Variants in MORF4L1 observed in about 807,000 individuals in gnomAD.
The protein encoded by MORF4L1 is mortality factor 4 like 1.
In MORF4L1, 4 loss-of-function variants were observed where a neutral mutation model predicts 52.9. That is an observed-to-expected ratio of 0.08 (90% confidence interval 0.04 to 0.17). The LOEUF is 0.17. Among genes scored for constraint, MORF4L1 ranks in the 10% least tolerant of loss-of-function variants. The probability of loss-of-function intolerance (pLI) is 1.00; values close to 1 mark genes in which losing one functional copy is unlikely to be tolerated. For synonymous variants in MORF4L1, 123 were observed against 134.8 expected (o/e 0.91, Z 0.61); for missense variants, 214 against 390.4 (o/e 0.55, Z 3.81).
intron 3 of MORF4L1, among the ~76,000 whole-genome samples, chr15:78,881,984 C>A (rs76675237): frequency 1.5e-4 from 23 of 152,006 alleles, no homozygotes; most frequent in African/African-American, 5.3e-4. Flanking sequence ...AGGTGACCAA[C>A]CCAGTTAATT....
intron 6 of MORF4L1, 116 bp downstream of exon 6, chr15:78,891,130 G>A: frequency 8.2e-7 from 1 of 1,220,518 alleles, no homozygotes; most frequent in South Asian, 1.3e-5. Flanking sequence ...ATCTCAAATA[G>A]GAGTCTCACA....
chr15:78,888,619 T>TA (rs201597566), intron 5 of MORF4L1, among the ~76,000 whole-genome samples: 1,622 of 152,248 alleles, frequency 0.011, 13 homozygotes, highest in Non-Finnish European at 0.017. Flanking sequence ...AGTAAGGTGT[T>TA]ACACCCAGTG....
intron 1 of MORF4L1, among the ~76,000 whole-genome samples, chr15:78,874,213 G>T (rs531547682): frequency 3.9e-5 from 6 of 152,324 alleles, no homozygotes; most frequent in Admixed American, 3.9e-4. Flanking sequence ...ATTTATGCTA[G>T]TTACCGTAAA....
chr15:78,892,083 ATG>A, intron 7 of MORF4L1, 127 bp from the exon 8 acceptor site: 1 of 553,516 alleles, frequency 1.8e-6, no homozygotes. Flanking sequence ...ATTTTAAAAA[ATG>A]ACAGTACAGC....
intron 1 of MORF4L1, among the ~76,000 whole-genome samples, chr15:78,874,816 G>A (rs1217782986): frequency 6.6e-6 from 1 of 151,420 alleles, no homozygotes; most frequent in Admixed American, 6.6e-5. Flanking sequence ...ACATTTTAGA[G>A]CAGATATTCT....
At chr15:78,891,826 T>C (rs1326907685) in intron 7 of MORF4L1, 1 of 450,856 alleles carries the variant, frequency 2.2e-6, no homozygotes, top group Non-Finnish European at 3.9e-6. Flanking sequence ...TCTTTGGTGT[T>C]ACGTATTTAT....
At chr15:78,895,168 C>A (rs2056866255) in intron 11 of MORF4L1, among the ~76,000 whole-genome samples, 2 of 152,098 alleles carry the variant, frequency 1.3e-5, no homozygotes, top group Non-Finnish European at 2.9e-5. Context: ...GAAAACAAAG[C>A]CACACTTGTC....
Position 78,897,184 on chromosome 15 carries a change from T to G in MORF4L1, c.*117T>G. ...TAGTGTATAACAATTGATGTTTGTTTTCTGTTTGATTTTAAACAGAGAAAA... is the reference window on the plus strand; with the variant it reads ...TAGTGTATAACAATTGATGTTTGTTGTCTGTTTGATTTTAAACAGAGAAAA... On this transcript the variant is annotated 3_prime_UTR_variant, in exon 12 of 12. Transcript: ENST00000426013. The G allele has an allele frequency of 1.3e-6, 1 of 755,588 alleles. No homozygotes were observed. The allele number at this position is 755,588 out of a possible 1,614,324, so 46.8% of individuals were successfully genotyped here. A position where few individuals can be genotyped will look rare whatever the true frequency, so the allele number is the denominator to read the frequency against.
chr15:78,895,149 A>G (rs367792423), intron 11 of MORF4L1, among the ~76,000 whole-genome samples: 5 of 152,240 alleles, frequency 3.3e-5, no homozygotes, highest in East Asian at 3.8e-4. Flanking sequence ...GACAGCTGAC[A>G]GTTTGGAAGA....
rs770292808 is a variant in MORF4L1, at chr15:78,873,009, C to T, written c.-9C>T. ...GTGGGAGAAGGAGGAGGCGGCGAAT[C>T]ACTTATAAATGGCGCCGAAGCAGGA... On this transcript the variant is annotated 5_prime_UTR_variant, in exon 1 of 12. Coordinates refer to ENST00000426013, the MANE Select transcript of MORF4L1 (RefSeq NM_006791.4). The T allele has an allele frequency of 6.4e-7, 1 of 1,550,946 alleles. No homozygotes were observed. The highest frequency in any genetic ancestry group is 1.4e-5 in the African/African-American group (1 of 73,198).
chr15:78,875,518 C>G (rs2056468526), intron 1 of MORF4L1, among the ~76,000 whole-genome samples: 1 of 152,120 alleles, frequency 6.6e-6, no homozygotes, highest in Non-Finnish European at 1.5e-5. Context: ...CCTCTAATCC[C>G]AGCACTTTGG....
chr15:78,890,982 C>G lies in MORF4L1; in HGVS notation c.324-7C>G, dbSNP rs1213863778. On this transcript the variant is annotated splice_region_variant and splice_polypyrimidine_tract_variant and intron_variant, in intron 5 of 11. Coordinates refer to ENST00000426013, the MANE Select transcript of MORF4L1 (RefSeq NM_006791.4). Reference sequence around the variant, plus strand: ...TAATTATTTTTCTTTTTTTTCTCTCCTTTTAGGAAAACGAAAAAGAACAAA... The same window carrying G: ...TAATTATTTTTCTTTTTTTTCTCTCGTTTTAGGAAAACGAAAAAGAACAAA... 6 of 1,447,808 alleles carry G rather than the reference C, an allele frequency of 4.1e-6. No homozygotes were observed. The highest frequency in any genetic ancestry group is 5.6e-6 in the Non-Finnish European group (6 of 1,080,786). 89.7% of individuals were successfully genotyped at this position (1,447,808 alleles called of 1,614,324 possible).
intron 2 of MORF4L1, among the ~76,000 whole-genome samples, chr15:78,879,980 A>T (rs1049336809): frequency 6.6e-6 from 1 of 152,348 alleles, no homozygotes; most frequent in South Asian, 2.1e-4. Flanking sequence ...TTTTAAATCC[A>T]AAACCAGATA....
intron 11 of MORF4L1, 100 bp from the exon 12 acceptor site, chr15:78,896,883 G>C: frequency 2.4e-6 from 2 of 834,300 alleles, no homozygotes; most frequent in Non-Finnish European, 1.9e-6. Context: ...ATGTATTTTA[G>C]GAAAGTGTTT....
In MORF4L1 at chr15:78,890,976, TCTCTCC is replaced by T; in HGVS notation, c.324-12_324-7del. Reference sequence around the variant, plus strand: ...TGGAAATAATTATTTTTCTTTTTTTTCTCTCCTTTTAGGAAAACGAAAAAGAACAAA... The same window carrying T: ...TGGAAATAATTATTTTTCTTTTTTTTTTTTAGGAAAACGAAAAAGAACAAA... On this transcript the variant is annotated splice_region_variant and splice_polypyrimidine_tract_variant and intron_variant, in intron 5 of 11. Coordinates refer to ENST00000426013, the MANE Select transcript of MORF4L1 (RefSeq NM_006791.4). 6.9e-7 allele frequency: 1 copy of T among 1,449,196 alleles called. No homozygotes were observed. The highest frequency in any genetic ancestry group is 9.2e-7 in the Non-Finnish European group (1 of 1,081,758). The allele number at this position is 1,449,196 out of a possible 1,614,324, so 89.8% of individuals were successfully genotyped here. A position where few individuals can be genotyped will look rare whatever the true frequency, so the allele number is the denominator to read the frequency against.
At chr15:78,876,565 A>G (rs931466573) in intron 1 of MORF4L1, 3 of 455,904 alleles carry the variant, frequency 6.6e-6, no homozygotes, top group African/African-American at 4.0e-5. Flanking sequence ...TTCCGGCAGT[A>G]GCAGCCAAGG....
intron 4 of MORF4L1, chr15:78,886,497 T>TA (rs1475785318): frequency 1.2e-5 from 4 of 343,250 alleles, no homozygotes; most frequent in Non-Finnish European, 2.1e-5. Flanking sequence ...AACTCACTGA[T>TA]AAAAATCTTT....
chr15:78,873,093 G>T, intron 1 of MORF4L1, 36 bp downstream of exon 1: 1 of 1,550,466 alleles, frequency 6.4e-7, no homozygotes, highest in Non-Finnish European at 8.7e-7. Context: ...GCACCTAACG[G>T]CGCAGGAGAT....
At chr15:78,874,786 T>C (rs2056451480) in intron 1 of MORF4L1, among the ~76,000 whole-genome samples, 1 of 128,826 alleles carries the variant, frequency 7.8e-6, no homozygotes, top group Admixed American at 7.7e-5. Flanking sequence ...CTACCTCCTA[T>C]GGGTTCATTA....
Sources: gnomAD v4.1 joint callset for allele counts (sites outside exome capture counted in the v4.1 genomes callset) on GRCh38, gnomAD v4.1.1 for gene constraint, MANE v1.5 for transcripts, NCBI Gene and HGNC (gene_info 2026-07-23, HGNC 2026-07-21) for gene names.